The following IL31RA variants were observed in gnomAD, a reference collection of about 807,000 sequenced individuals.
The protein encoded by IL31RA is interleukin 31 receptor A.
Under a neutral mutation model 83.7 loss-of-function variants are expected in IL31RA, and 66 were observed. That is an observed-to-expected ratio of 0.79 (90% CI 0.65 to 0.97). IL31RA has a LOEUF of 0.97. Ranked by LOEUF, IL31RA falls within the 50% of genes least tolerant of loss-of-function variation. IL31RA has a pLI of 0.00. For missense variants in IL31RA, 798 were observed against 919.4 expected (o/e 0.87, Z 1.71); for synonymous variants, 325 against 329.0 (o/e 0.99, Z 0.13).
the IL31RA span, among the ~76,000 whole-genome samples, chr5:55,844,282 G>A: frequency 2.0e-5 from 3 of 151,966 alleles, no homozygotes; most frequent in African/African-American, 2.4e-5. Flanking sequence ...AAAAACTCTC[G>A]GACAAAAATT....
intron 1 of IL31RA, among the ~76,000 whole-genome samples, chr5:55,855,816 G>A (rs922390812): frequency 2.6e-5 from 4 of 152,192 alleles, no homozygotes; most frequent in African/African-American, 9.7e-5. Context: ...AGTAATAAGT[G>A]CTTAGATTTG....
At chr5:55,912,050 C>T (rs965677171) in intron 12 of IL31RA, among the ~76,000 whole-genome samples, 2 of 152,110 alleles carry the variant, frequency 1.3e-5, no homozygotes, top group Non-Finnish European at 2.9e-5. Context: ...TTTTGCAACA[C>T]TGGGCACAAA....
chr5:55,889,477 A>T (rs1267897207), intron 5 of IL31RA, among the ~76,000 whole-genome samples: 1 of 152,212 alleles, frequency 6.6e-6, no homozygotes, highest in Non-Finnish European at 1.5e-5. Flanking sequence ...CTGTGTTCTG[A>T]TCCTATTCTG....
At chr5:55,840,225 C>T in the IL31RA span, among the ~76,000 whole-genome samples, 4 of 152,172 alleles carry the variant, frequency 2.6e-5, no homozygotes, top group African/African-American at 4.8e-5. Flanking sequence ...TCAGCAGTCA[C>T]GCTGGTAGAC....
intron 2 of IL31RA, chr5:55,866,819 T>C: frequency 6.6e-6 from 1 of 152,448 alleles, no homozygotes. Context: ...TTTCATTCCC[T>C]CCCCATCCCT....
intron 13 of IL31RA, among the ~76,000 whole-genome samples, chr5:55,914,085 G>A (rs1749652364): frequency 6.6e-6 from 1 of 152,218 alleles, no homozygotes; most frequent in African/African-American, 2.4e-5. Context: ...CCTGGCCACT[G>A]TGGGGAAGAA....
intron 11 of IL31RA, among the ~76,000 whole-genome samples, chr5:55,909,557 T>C (rs1580741515): frequency 6.6e-6 from 1 of 152,326 alleles, no homozygotes; most frequent in South Asian, 2.1e-4. Context: ...TTCATTTCCC[T>C]GCATCCTTGT....
At chr5:55,870,660 C>T (rs948005316) in intron 3 of IL31RA, among the ~76,000 whole-genome samples, 1 of 152,110 alleles carries the variant, frequency 6.6e-6, no homozygotes, top group African/African-American at 2.4e-5. Flanking sequence ...CCTTGATGGC[C>T]TCAGGCCAGC....
At chr5:55,888,257 A>G (rs1416828820) in intron 5 of IL31RA, among the ~76,000 whole-genome samples, 1 of 152,216 alleles carries the variant, frequency 6.6e-6, no homozygotes, top group African/African-American at 2.4e-5. Flanking sequence ...GCCTGTATAT[A>G]AAGGATCAAT....
chr5:55,861,572 A>G (rs776513785), intron 2 of IL31RA, among the ~76,000 whole-genome samples: 1 of 152,204 alleles, frequency 6.6e-6, no homozygotes, highest in Non-Finnish European at 1.5e-5. Context: ...ATTATCTTCC[A>G]CAAAACTGGT....
the IL31RA span, chr5:55,839,824 T>TTTTCAGGGCCA: frequency 1.3e-6 from 1 of 758,672 alleles, no homozygotes; most frequent in Non-Finnish European, 2.5e-6. Context: ...TCAGGGCCAA[T>TTTTCAGGGCCA]TTGACTTCAT....
At chr5:55,897,728 G>A (rs188442164) in intron 7 of IL31RA, among the ~76,000 whole-genome samples, 138 of 152,156 alleles carry the variant, frequency 9.1e-4, no homozygotes, top group Non-Finnish European at 1.6e-3. Context: ...AGAAAATGGG[G>A]GGACAAGGGA....
In IL31RA at chr5:55,899,958, A is replaced by T. The variant is rs752110801; in HGVS notation, c.895A>T (p.Asn299Tyr). 6.2e-7 allele frequency: 1 copy of T among 1,614,226 alleles called. No individual in the cohort carries two copies. The highest frequency in any genetic ancestry group is 1.7e-5 in the Admixed American group (1 of 60,032). ...APVLEKTLGY[N>Y]IWYYPESNTN... ...AGTCCTAGAGAAAACACTTGGCTAC[A>T]ACATATGGTACTATCCAGAAAGCAA... The change falls in exon 8 of 15, where the codon AAC (asparagine) becomes TAC (tyrosine). Residue 299 changes from asparagine to tyrosine, a missense_variant. Transcript: ENST00000652347.
At chr5:55,862,177 T>C (rs1024635636) in intron 2 of IL31RA, among the ~76,000 whole-genome samples, 1 of 152,218 alleles carries the variant, frequency 6.6e-6, no homozygotes, top group Non-Finnish European at 1.5e-5. Context: ...TTTGTATTTA[T>C]AAAATAAAAA....
At chr5:55,852,187 TGA>T (rs1745105609) in intron 1 of IL31RA, 1 of 152,770 alleles carries the variant, frequency 6.5e-6, no homozygotes, top group African/African-American at 2.4e-5. Flanking sequence ...ATTTATTTTT[TGA>T]GACAGAGTTT....
In IL31RA at chr5:55,918,751, C is replaced by T. The variant is rs1170012151; in HGVS notation, c.*1631C>T. 6.6e-6 allele frequency among the ~76,000 whole-genome samples: 1 copy of T among 152,138 alleles called. No individual in the cohort carries two copies. The highest frequency in any genetic ancestry group is 1.5e-5 in the Non-Finnish European group (1 of 68,022). ...CTGTGGGCACAGGAAGGTGTGGCTG[C>T]TCTCTCAAAGCTCTGTCCTCCTAAC... On this transcript the variant is annotated 3_prime_UTR_variant, in exon 15 of 15. Coordinates refer to ENST00000652347, the MANE Select transcript of IL31RA (RefSeq NM_139017.7).
intron 1 of IL31RA, 44 bp downstream of exon 1, chr5:55,851,677 G>T: frequency 6.2e-7 from 1 of 1,613,704 alleles, no homozygotes; most frequent in Non-Finnish European, 8.5e-7. Context: ...CTAGCAAGTA[G>T]GTGAATTCAC....
chr5:55,854,246 G>T (rs904414266), intron 1 of IL31RA, among the ~76,000 whole-genome samples: 3 of 152,132 alleles, frequency 2.0e-5, no homozygotes, highest in African/African-American at 7.2e-5. Context: ...AACCCAAATG[G>T]ATTTATAGAC....
the IL31RA span, among the ~76,000 whole-genome samples, chr5:55,842,690 T>C: frequency 6.6e-6 from 1 of 152,334 alleles, no homozygotes; most frequent in East Asian, 1.9e-4. Flanking sequence ...TGTTTACGTG[T>C]CCATTTTCCC....
Sources: allele counts gnomAD v4.1 joint callset (sites outside exome capture counted in the v4.1 genomes callset), GRCh38; gene constraint gnomAD v4.1.1; transcripts MANE v1.5; gene names NCBI Gene and HGNC (gene_info 2026-07-23, HGNC 2026-07-21).